The following KIAA1328 variants were observed in gnomAD, a reference collection of about 807,000 sequenced individuals.
The protein encoded by KIAA1328 is KIAA1328, also known as protein hinderin.
A neutral mutation model predicts 68.1 loss-of-function variants in KIAA1328; 52 were observed. The observed-to-expected ratio is 0.76, with a 90% CI of 0.61 to 0.96. The LOEUF is 0.96. KIAA1328 is among the 40% of genes least tolerant of loss of function. The pLI, the probability that KIAA1328 is intolerant of heterozygous loss-of-function variation, is 0.00. For missense variants in KIAA1328, 641 were observed against 677.6 expected (o/e 0.95, Z 0.60); for synonymous variants, 232 against 239.4 (o/e 0.97, Z 0.28).
intron 7 of KIAA1328, among the ~76,000 whole-genome samples, chr18:37,080,956 CAG>C (rs2056929272): frequency 6.6e-6 from 1 of 151,136 alleles, no homozygotes; most frequent in Admixed American, 6.6e-5. Context: ...CCCGGAGAAA[CAG>C]AGACTCAAGA....
At position 37,223,961 on chromosome 18, in the gene KIAA1328, T is replaced by G. The variant is rs1376698861; in HGVS notation, c.*1734T>G. 2.0e-6 allele frequency: 2 copies of G among 985,222 alleles called. No individual in the cohort carries two copies. The highest frequency in any genetic ancestry group is 3.5e-5 in the African/African-American group (2 of 57,226). 61.0% of individuals were successfully genotyped at this position (985,222 alleles called of 1,614,324 possible). On this transcript the variant is annotated 3_prime_UTR_variant, in exon 10 of 10. Transcript: ENST00000280020. ...TTGGAAAATCATTACAGATTAAAAT[T>G]TCTTTATAAAGTTCACCTCTGAGAG...
intron 6 of KIAA1328, among the ~76,000 whole-genome samples, chr18:37,053,717 C>T (rs368307900): frequency 1.1e-4 from 16 of 152,082 alleles, no homozygotes; most frequent in Non-Finnish European, 1.9e-4. Flanking sequence ...TCCTTCTTCA[C>T]GATCTTGTGA....
At chr18:36,972,582 T>C (rs2151325644) in intron 6 of KIAA1328, among the ~76,000 whole-genome samples, 1 of 152,266 alleles carries the variant, frequency 6.6e-6, no homozygotes, top group African/African-American at 2.4e-5. Context: ...CTTTTTTTGG[T>C]GTCAGAGTAG....
chr18:37,084,308 G>A, intron 7 of KIAA1328: 1 of 705,726 alleles, frequency 1.4e-6, no homozygotes, highest in Non-Finnish European at 2.1e-6. Flanking sequence ...TACTTTTATA[G>A]CTCTATGTTG....
chr18:37,124,279 G>C (rs2058340718), intron 7 of KIAA1328, among the ~76,000 whole-genome samples: 1 of 152,060 alleles, frequency 6.6e-6, no homozygotes, highest in South Asian at 2.1e-4. Flanking sequence ...GTACCTGGTT[G>C]CTCAAGCAAA....
chr18:36,885,541 T>TG lies in KIAA1328; in HGVS notation c.333-16_333-15insG. 6.9e-7 allele frequency: 1 copy of TG among 1,439,938 alleles called. No individual in the cohort carries two copies. The highest frequency in any genetic ancestry group is 9.3e-7 in the Non-Finnish European group (1 of 1,075,468). The allele number at this position is 1,439,938 out of a possible 1,614,324, so 89.2% of individuals were successfully genotyped here. A position where few individuals can be genotyped will look rare whatever the true frequency, so the allele number is the denominator to read the frequency against. ...TATTCTGATAGATGTTAAAGGTTTT[T>TG]TTTTTTTTATTTCAGAGTAAGTGAG... On this transcript the variant is annotated splice_polypyrimidine_tract_variant and intron_variant, in intron 4 of 9. Coordinates refer to ENST00000280020, the MANE Select transcript of KIAA1328 (RefSeq NM_020776.3).
At chr18:37,087,531 C>G (rs558731667) in intron 7 of KIAA1328, among the ~76,000 whole-genome samples, 2 of 152,254 alleles carry the variant, frequency 1.3e-5, no homozygotes, top group African/African-American at 4.8e-5. Flanking sequence ...TCACCAAGTT[C>G]AGATTGCCTT....
intron 8 of KIAA1328, among the ~76,000 whole-genome samples, chr18:37,168,037 C>G (rs142513389): frequency 6.6e-6 from 1 of 152,272 alleles, no homozygotes; most frequent in African/African-American, 2.4e-5. Context: ...TGAGATTTAG[C>G]CCAGGAATAC....
intron 6 of KIAA1328, among the ~76,000 whole-genome samples, chr18:37,048,151 G>T (rs1246824990): frequency 1.3e-5 from 2 of 152,062 alleles, no homozygotes; most frequent in African/African-American, 2.4e-5. Flanking sequence ...TCAAATAAGC[G>T]AACAGAAGGA....
chr18:37,103,271 G>T (rs57036696), intron 7 of KIAA1328, among the ~76,000 whole-genome samples: 22,587 of 152,124 alleles, frequency 0.15, 1,782 homozygotes, highest in African/African-American at 0.18. Context: ...GAAAGGTATA[G>T]TAACCAAAAC....
intron 6 of KIAA1328, among the ~76,000 whole-genome samples, chr18:37,012,155 A>C (rs1390163126): frequency 6.6e-6 from 1 of 152,210 alleles, no homozygotes; most frequent in Admixed American, 6.5e-5. Flanking sequence ...AGAACAATAT[A>C]GAACTAATAT....
chr18:37,158,812 T>C (rs2059213294), intron 7 of KIAA1328, among the ~76,000 whole-genome samples: 1 of 152,028 alleles, frequency 6.6e-6, no homozygotes, highest in Non-Finnish European at 1.5e-5. Flanking sequence ...TGAGAATGAA[T>C]CAAATTTGGG....
rs561844681 is a variant in KIAA1328 at position 37,111,608 on chromosome 18, G to T, written c.1232+44063G>T. 1.0e-3 allele frequency among the ~76,000 whole-genome samples: 155 copies of T among 152,360 alleles called. 2 individuals are homozygous for T. Among genetic ancestry groups the T allele is most frequent in the African/African-American group, 3.7e-3 (153 of 41,574 alleles). ...CTCCAGTCTACAGCTCCCAGTGTGA[G>T]CAACACAGAAGACAGGTGATTTCTG... On this transcript the variant is annotated intron_variant, in intron 7 of 9. Coordinates refer to ENST00000280020, the MANE Select transcript of KIAA1328 (RefSeq NM_020776.3).
intron 7 of KIAA1328, among the ~76,000 whole-genome samples, chr18:37,094,593 G>T (rs2057353275): frequency 6.6e-6 from 1 of 151,984 alleles, no homozygotes; most frequent in Non-Finnish European, 1.5e-5. Context: ...AGGAACAAAA[G>T]GTGCCAAATG....
At chr18:37,063,859 T>C (rs1295963362) in intron 6 of KIAA1328, among the ~76,000 whole-genome samples, 4 of 152,144 alleles carry the variant, frequency 2.6e-5, no homozygotes, top group African/African-American at 4.8e-5. Context: ...AATGAGACTA[T>C]AAAACCTGGA....
chr18:37,071,057 C>CTT (rs58722044), intron 7 of KIAA1328, among the ~76,000 whole-genome samples: 10 of 86,832 alleles, frequency 1.2e-4, no homozygotes, highest in African/African-American at 1.8e-4. Context: ...TTTTTTCTTC[C>CTT]TTTTTTTTTT....
chr18:36,982,965 A>C (rs2052756720), intron 6 of KIAA1328, among the ~76,000 whole-genome samples: 1 of 152,030 alleles, frequency 6.6e-6, no homozygotes, highest in Non-Finnish European at 1.5e-5. Context: ...ACCTTAAAGC[A>C]ACCACTAAAA....
intron 7 of KIAA1328, among the ~76,000 whole-genome samples, chr18:37,074,001 C>G (rs965268899): frequency 6.6e-6 from 1 of 152,126 alleles, no homozygotes; most frequent in African/African-American, 2.4e-5. Flanking sequence ...CTAACACCAC[C>G]CCAGTGAAGA....
At chr18:37,115,022 A>G (rs923173330) in intron 7 of KIAA1328, among the ~76,000 whole-genome samples, 1 of 152,212 alleles carries the variant, frequency 6.6e-6, no homozygotes, top group African/African-American at 2.4e-5. Context: ...GCAATAATTA[A>G]TAGCCTACCA....
Sources: gnomAD v4.1 joint callset for allele counts (sites outside exome capture counted in the v4.1 genomes callset) on GRCh38, gnomAD v4.1.1 for gene constraint, MANE v1.5 for transcripts, NCBI Gene and HGNC (gene_info 2026-07-23, HGNC 2026-07-21) for gene names.